NBPF4: variants seen among roughly 807,000 people sequenced by gnomAD.
NBPF4 encodes NBPF family member NBPF4.
A neutral mutation model predicts 21.1 loss-of-function variants in NBPF4; 11 were observed. That is an observed-to-expected ratio of 0.52 (90% confidence interval 0.33 to 0.86). The LOEUF (loss-of-function observed/expected upper bound fraction) is 0.86, where lower values mean the gene tolerates loss of function less well. Ranked by LOEUF, NBPF4 falls within the 40% of genes least tolerant of loss-of-function variation. The pLI is 0.03. For missense variants in NBPF4, 88 were observed against 265.3 expected, an observed-to-expected ratio of 0.33 and a Z score of 4.64; for synonymous variants, 47 against 106.4, an observed-to-expected ratio of 0.44 and a Z score of 3.43.
Position 108,222,915 on chromosome 1 carries a change from GA to G in NBPF4, c.*789del, listed in dbSNP as rs1302401194. On this transcript the variant is annotated 3_prime_UTR_variant, in exon 15 of 15. Coordinates refer to ENST00000415641, the MANE Select transcript of NBPF4 (RefSeq NM_001143989.3). ...ACCATCCTAGTATCACCGCACTGGG[GA>G]TGGACACACTGGGCCTTCTCTGCCT... 6.6e-6 allele frequency among the ~76,000 whole-genome samples: 1 copy of G among 152,166 alleles called. No homozygotes were observed. The highest frequency in any genetic ancestry group is 1.5e-5 in the Non-Finnish European group (1 of 68,044).
the NBPF4 span, among the ~76,000 whole-genome samples, chr1:108,259,337 A>C: frequency 2.1e-5 from 3 of 142,716 alleles, no homozygotes; most frequent in African/African-American, 8.2e-5. Flanking sequence ...ATGGCTCACA[A>C]ACAGCTTTAA....
intron 3 of NBPF4, among the ~76,000 whole-genome samples, 179 bp from the exon 4 acceptor site, chr1:108,241,343 C>CAA (rs1649705901): frequency 9.4e-6 from 1 of 106,612 alleles, no homozygotes; most frequent in Non-Finnish European, 2.1e-5. Flanking sequence ...TATATATACA[C>CAA]ACACACACAC....
the NBPF4 span, among the ~76,000 whole-genome samples, chr1:108,259,708 T>C: frequency 6.7e-6 from 1 of 149,896 alleles, no homozygotes; most frequent in Non-Finnish European, 1.5e-5. Context: ...CCTCATCTTC[T>C]TTTTTAAAAA....
At chr1:108,226,522 G>A (rs1649478230) in intron 14 of NBPF4, among the ~76,000 whole-genome samples, 157 bp downstream of exon 14, 1 of 150,956 alleles carries the variant, frequency 6.6e-6, no homozygotes, top group Admixed American at 6.6e-5. Flanking sequence ...GGGCCAGTCA[G>A]GGTGGGAGCC....
intron 9 of NBPF4, among the ~76,000 whole-genome samples, chr1:108,234,753 A>T (rs1451602733): frequency 2.1e-5 from 1 of 47,920 alleles, no homozygotes; most frequent in Non-Finnish European, 3.5e-5. Flanking sequence ...CTTTTAAATG[A>T]TGTTAAATTT....
At chr1:108,264,960 C>G in the NBPF4 span, among the ~76,000 whole-genome samples, 2 of 139,920 alleles carry the variant, frequency 1.4e-5, no homozygotes, top group African/African-American at 5.2e-5. Flanking sequence ...AAATTGACAG[C>G]CTAACAGTAC....
chr1:108,256,222 CTATT>C, the NBPF4 span, among the ~76,000 whole-genome samples: 20,597 of 142,302 alleles, frequency 0.14, 668 homozygotes, highest in East Asian at 0.23. Context: ...ATTTCTGATG[CTATT>C]TATTTGACTC....
At position 108,222,831 on chromosome 1, in the gene NBPF4, C is replaced by A. The variant is rs1649348963; in HGVS notation, c.*874G>T. 1.3e-5 allele frequency among the ~76,000 whole-genome samples: 2 copies of A among 152,140 alleles called. No homozygotes were observed. The highest frequency in any genetic ancestry group is 1.3e-4 in the Admixed American group (2 of 15,282). On this transcript the variant is annotated 3_prime_UTR_variant, in exon 15 of 15. Transcript: ENST00000415641. ...CTATTTCAAACCACTTTCCAAATTA[C>A]TTACAAATAAGATGTCTTTACAAGG...
the NBPF4 span, among the ~76,000 whole-genome samples, chr1:108,264,201 A>C: frequency 1.1e-4 from 17 of 150,946 alleles, no homozygotes; most frequent in African/African-American, 4.0e-4. Flanking sequence ...AAATTTACCA[A>C]GCAAATGGAA....
upstream of NBPF4, among the ~76,000 whole-genome samples, chr1:108,248,211 GT>G (rs1192100421): frequency 3.3e-5 from 5 of 150,308 alleles, no homozygotes; most frequent in African/African-American, 1.2e-4. Flanking sequence ...TAGTACTATA[GT>G]TTTTAAATTA....
rs772763629 is a variant in NBPF4, at chr1:108,229,176, C to A, written c.1424-20G>T. The A allele has an allele frequency of 6.7e-7, 1 of 1,494,482 alleles. No homozygotes were observed. The highest frequency in any genetic ancestry group is 9.1e-7 in the Non-Finnish European group (1 of 1,096,446). 92.6% of individuals were successfully genotyped at this position (1,494,482 alleles called of 1,614,324 possible). A position where few individuals can be genotyped will look rare whatever the true frequency, so the allele number is the denominator to read the frequency against. ...TGGGGGCTGAAAGGAGAAGGGGCTTCAGTAGGAACAATCTCAGTTTTCCCT... is the reference window on the plus strand; with the variant it reads ...TGGGGGCTGAAAGGAGAAGGGGCTTAAGTAGGAACAATCTCAGTTTTCCCT... On this transcript the variant is annotated intron_variant, in intron 12 of 14. Transcript: ENST00000415641.
At chr1:108,229,194 T>C in intron 12 of NBPF4, 38 bp from the exon 13 acceptor site, 2 of 1,475,528 alleles carry the variant, frequency 1.4e-6, no homozygotes, top group Non-Finnish European at 1.9e-6. Flanking sequence ...ACAATCTCAG[T>C]TTTCCCTTTG....
At position 108,223,613 on chromosome 1, in the gene NBPF4, A is replaced by T; in HGVS notation, c.*92T>A. On this transcript the variant is annotated 3_prime_UTR_variant, in exon 15 of 15. Transcript: ENST00000415641. ...GTGTCTGAAATTCAATCCTCAGTGA[A>T]GGACCCCTGCAGTATTGTGTTTGGA... 9.1e-7 allele frequency: 1 copy of T among 1,103,976 alleles called. No individual in the cohort carries two copies. Among genetic ancestry groups the T allele is most frequent in the Non-Finnish European group, 1.3e-6 (1 of 746,758 alleles). 68.4% of individuals were successfully genotyped at this position (1,103,976 alleles called of 1,614,324 possible). A position where few individuals can be genotyped will look rare whatever the true frequency, so the allele number is the denominator to read the frequency against.
chr1:108,226,632 C>T lies in NBPF4; in HGVS notation c.1875+47G>A, dbSNP rs1304665221. 84 of 1,299,474 alleles carry T rather than the reference C, an allele frequency of 6.5e-5. 25 individuals are homozygous for T. Among genetic ancestry groups the T allele is most frequent in the Non-Finnish European group, 8.1e-5 (79 of 978,014 alleles). 80.5% of individuals were successfully genotyped at this position (1,299,474 alleles called of 1,614,324 possible). On this transcript the variant is annotated intron_variant, in intron 14 of 14. Transcript: ENST00000415641. ...TGAGAGAATGAGCTGTCACCATAGA[C>T]GGAGAAATAAGAAGTGAGTGCAGCT...
Position 108,223,688 on chromosome 1 carries a change from C to A in NBPF4, c.*17G>T. ...TTGTTTTTATCAAGTGGAAAAGCTG[C>A]TTTTTGTGACATTCTTTCATCCTGC... On this transcript the variant is annotated 3_prime_UTR_variant, in exon 15 of 15. Transcript: ENST00000415641. The A allele has an allele frequency of 1.3e-6, 2 of 1,572,986 alleles. No homozygotes were observed. The highest frequency in any genetic ancestry group is 1.7e-6 in the Non-Finnish European group (2 of 1,158,744).
intron 10 of NBPF4, among the ~76,000 whole-genome samples, chr1:108,233,801 C>G (rs1649642689): frequency 6.9e-6 from 1 of 144,232 alleles, no homozygotes; most frequent in South Asian, 2.2e-4. Context: ...TCTTTGAAAC[C>G]TGGGTAATAT....
Position 108,226,127 on chromosome 1 carries a change from C to A in NBPF4, c.1875+552G>T, listed in dbSNP as rs147770244. ...GCCAGTAGGGAACTCCCACCTGTGA[C>A]CCTGGTTCTAGTTTAGTTTCCTAGA... On this transcript the variant is annotated intron_variant, in intron 14 of 14. Transcript: ENST00000415641. Among the ~76,000 whole-genome samples the A allele has an allele frequency of 2.4e-3, 322 of 136,944 alleles. 17 individuals are homozygous for A. The highest frequency in any genetic ancestry group is 7.2e-3 in the African/African-American group (263 of 36,616). The allele number at this position is 136,944 out of a possible 152,430, so 89.8% of individuals were successfully genotyped here.
intron 14 of NBPF4, 102 bp downstream of exon 14, chr1:108,226,575 GTT>G: frequency 1.1e-6 from 1 of 940,874 alleles, no homozygotes; most frequent in Non-Finnish European, 1.6e-6. Flanking sequence ...TAGAGCAGCT[GTT>G]GGAGAGAACA....
At position 108,229,044 on chromosome 1, in the gene NBPF4, A is replaced by G. The variant is rs1649574674; in HGVS notation, c.1536T>C (p.Ser512=). ...CTTGATCCAGCTGTAGTCGCAGACA[A>G]CTGGGCACCAGGGTGCTTGGTTCCA... ...AQLEPSTLVP[S]CLRLQLDQGF... Residue 512 remains serine (S), a synonymous_variant, in exon 13 of 15, where the codon AGT becomes AGC. Transcript: ENST00000415641. 3 of 1,550,636 alleles carry G rather than the reference A, an allele frequency of 1.9e-6. No individual in the cohort carries two copies. The highest frequency in any genetic ancestry group is 1.7e-6 in the Non-Finnish European group (2 of 1,146,408).
Sources: allele counts gnomAD v4.1 joint callset (sites outside exome capture counted in the v4.1 genomes callset), GRCh38; gene constraint gnomAD v4.1.1; transcripts MANE v1.5; gene names NCBI Gene and HGNC (gene_info 2026-07-23, HGNC 2026-07-21).